The following GCA variants were observed in gnomAD, a reference collection of about 807,000 sequenced individuals.
The protein encoded by GCA is grancalcin.
Under a neutral mutation model 32.6 loss-of-function variants are expected in GCA, and 30 were observed. That is an observed-to-expected ratio of 0.92 (90% CI 0.69 to 1.25). The LOEUF is 1.25. GCA is among the 50% of genes most tolerant of loss of function. GCA has a pLI of 0.00. For synonymous variants in GCA, 102 were observed against 84.6 expected, an observed-to-expected ratio of 1.21 and a Z score of -1.13; for missense variants, 291 against 266.8, an observed-to-expected ratio of 1.09 and a Z score of -0.63.
At chr2:162,330,032 C>T (rs1576260754) in intron 1 of GCA, among the ~76,000 whole-genome samples, 2 of 152,130 alleles carry the variant, frequency 1.3e-5, no homozygotes. Flanking sequence ...GCATGGTTTT[C>T]AATGGTATAT....
At chr2:162,338,951 T>C (rs1398878150) in intron 1 of GCA, among the ~76,000 whole-genome samples, 1 of 152,220 alleles carries the variant, frequency 6.6e-6, no homozygotes, top group Non-Finnish European at 1.5e-5. Context: ...AACAATTTTA[T>C]GCTAAAATGC....
At chr2:162,334,857 T>C (rs74404078) in intron 1 of GCA, among the ~76,000 whole-genome samples, 116 of 152,306 alleles carry the variant, frequency 7.6e-4, no homozygotes, top group Non-Finnish European at 1.4e-3. Flanking sequence ...GATCTAGACC[T>C]ATGCTTTTCC....
chr2:162,352,032 C>G (rs1685026006), intron 2 of GCA, among the ~76,000 whole-genome samples: 1 of 152,114 alleles, frequency 6.6e-6, no homozygotes, highest in South Asian at 2.1e-4. Flanking sequence ...AGGCATTTTT[C>G]TAACTGTTTA....
chr2:162,342,607 T>C (rs571652892), upstream of GCA, among the ~76,000 whole-genome samples: 9 of 152,190 alleles, frequency 5.9e-5, no homozygotes, highest in Non-Finnish European at 1.2e-4. Context: ...GGAAATACTA[T>C]CTTTGCAATT....
At position 162,361,691 on chromosome 2, in the gene GCA, T is replaced by C. The variant is rs1685578839; in HGVS notation, c.*1448T>C. The stretch of plus-strand genomic sequence containing the variant: ...TCACTTGGTCAGTTTTATAAAAATG[T>C]GTGAATAGGTAATACACATAATTTT... On this transcript the variant is annotated 3_prime_UTR_variant, in exon 8 of 8. Coordinates refer to ENST00000437150, the MANE Select transcript of GCA (RefSeq NM_012198.5). 2.0e-6 allele frequency: 2 copies of C among 983,574 alleles called. No individual in the cohort carries two copies. Among genetic ancestry groups the C allele is most frequent in the Non-Finnish European group, 2.4e-6 (2 of 828,388 alleles). 60.9% of individuals were successfully genotyped at this position (983,574 alleles called of 1,614,324 possible).
chr2:162,360,779 A>G lies in GCA; in HGVS notation c.*536A>G. On this transcript the variant is annotated 3_prime_UTR_variant, in exon 8 of 8. Coordinates refer to ENST00000437150, the MANE Select transcript of GCA (RefSeq NM_012198.5). ...AACTTAAAGATCTTTGTCTGTGAAG[A>G]AGAAAATTATCTCCCTAGTTCAATC... The G allele has an allele frequency of 7.3e-7, 1 of 1,367,822 alleles. No individual in the cohort carries two copies. The highest frequency in any genetic ancestry group is 1.8e-5 in the South Asian group (1 of 56,212). The allele number at this position is 1,367,822 out of a possible 1,614,324, so 84.7% of individuals were successfully genotyped here.
At chr2:162,335,690 A>C (rs1429728768) in intron 1 of GCA, among the ~76,000 whole-genome samples, 2 of 152,234 alleles carry the variant, frequency 1.3e-5, no homozygotes, top group Non-Finnish European at 2.9e-5. Context: ...CTGTCATAAT[A>C]TTAAGAGGAC....
Position 162,344,176 on chromosome 2 carries a change from G to C in GCA, c.-73G>C. On this transcript the variant is annotated 5_prime_UTR_variant, in exon 1 of 8. Transcript: ENST00000437150. Reference sequence around the variant, plus strand: ...CCTGCAGCTGCGCCTCCTTGCACCTGCGCCTGTGCTTTTTCTCCCAGCACT... The same window carrying C: ...CCTGCAGCTGCGCCTCCTTGCACCTCCGCCTGTGCTTTTTCTCCCAGCACT... The C allele has an allele frequency of 6.4e-7, 1 of 1,557,640 alleles. No individual in the cohort carries two copies. The highest frequency in any genetic ancestry group is 1.1e-5 in the South Asian group (1 of 89,602).
intron 4 of GCA, among the ~76,000 whole-genome samples, chr2:162,369,527 C>T (rs1019090074): frequency 5.9e-5 from 9 of 152,072 alleles, no homozygotes; most frequent in African/African-American, 2.2e-4. Flanking sequence ...TTTCTTCATG[C>T]TCAGGTTTCA....
downstream of GCA, among the ~76,000 whole-genome samples, chr2:162,364,460 G>A (rs1685689097): frequency 6.6e-6 from 1 of 151,440 alleles, no homozygotes; most frequent in Non-Finnish European, 1.5e-5. Context: ...TCTAAAATAT[G>A]TAGTTTCTTC....
chr2:162,329,818 A>G (rs1345847462), intron 1 of GCA, among the ~76,000 whole-genome samples: 4 of 152,040 alleles, frequency 2.6e-5, no homozygotes, highest in Non-Finnish European at 5.9e-5. Flanking sequence ...ATTTTTCATG[A>G]TCTTTTCCCT....
chr2:162,356,317 T>G (rs1685265500), intron 3 of GCA, 121 bp from the exon 4 acceptor site: 1 of 674,192 alleles, frequency 1.5e-6, no homozygotes, highest in East Asian at 2.5e-5. Context: ...GCTTGTTGAT[T>G]GTGGTGATTT....
At position 162,344,240 on chromosome 2, in the gene GCA, C is replaced by T. The variant is rs777730174; in HGVS notation, c.-9C>T. On this transcript the variant is annotated 5_prime_UTR_variant, in exon 1 of 8. Coordinates refer to ENST00000437150, the MANE Select transcript of GCA (RefSeq NM_012198.5). ...GAGGGTGACGCTCGCTCCGCTCGTCCCGCTCGTCATGGCCTACCCGGGATA... is the reference window on the plus strand; with the variant it reads ...GAGGGTGACGCTCGCTCCGCTCGTCTCGCTCGTCATGGCCTACCCGGGATA... 1 of 1,613,750 alleles carries T rather than the reference C, an allele frequency of 6.2e-7. No individual in the cohort carries two copies. Among genetic ancestry groups the T allele is most frequent in the Admixed American group, 1.7e-5 (1 of 60,026 alleles).
intron 3 of GCA, among the ~76,000 whole-genome samples, chr2:162,354,468 A>G (rs1160478287): frequency 6.6e-6 from 1 of 152,222 alleles, no homozygotes; most frequent in Non-Finnish European, 1.5e-5. Flanking sequence ...AGACTCCTCC[A>G]GAGAATAAAA....
intron 1 of GCA, among the ~76,000 whole-genome samples, chr2:162,337,463 A>G (rs1231819056): frequency 6.6e-6 from 1 of 152,192 alleles, no homozygotes; most frequent in African/African-American, 2.4e-5. Flanking sequence ...TTTTGTAAAT[A>G]GTGACTTTAT....
chr2:162,339,368 T>TTAATTGC (rs1400366113), upstream of GCA, among the ~76,000 whole-genome samples: 69 of 152,308 alleles, frequency 4.5e-4, no homozygotes, highest in South Asian at 1.2e-3. Flanking sequence ...TAAGGAAATC[T>TTAATTGC]ATGTTAAGGA....
At chr2:162,319,528 G>T (rs938472553) in intron 1 of GCA, 12 of 202,628 alleles carry the variant, frequency 5.9e-5, no homozygotes, top group Non-Finnish European at 1.0e-5. Flanking sequence ...GGCTGGAGCA[G>T]CTAGGAACTT....
In GCA at chr2:162,361,845, C is replaced by T. The variant is rs569066055; in HGVS notation, c.*1602C>T. On this transcript the variant is annotated 3_prime_UTR_variant, in exon 8 of 8. Coordinates refer to ENST00000437150, the MANE Select transcript of GCA (RefSeq NM_012198.5). ...AAGCAAATGTGAAAACACTAAGTGTCGTTCACATCGAATGGTGATAATGTC... is the reference window on the plus strand; with the variant it reads ...AAGCAAATGTGAAAACACTAAGTGTTGTTCACATCGAATGGTGATAATGTC... 5 of 981,604 alleles carry T rather than the reference C, an allele frequency of 5.1e-6. No individual in the cohort carries two copies. The highest frequency in any genetic ancestry group is 9.4e-5 in the South Asian group (2 of 21,214). 60.8% of individuals were successfully genotyped at this position (981,604 alleles called of 1,614,324 possible). A position where few individuals can be genotyped will look rare whatever the true frequency, so the allele number is the denominator to read the frequency against.
At chr2:162,364,194 A>T (rs989247522), downstream of GCA, among the ~76,000 whole-genome samples, 4 of 151,528 alleles carry the variant, frequency 2.6e-5, no homozygotes, top group Non-Finnish European at 5.9e-5. Flanking sequence ...AGATATTTGC[A>T]TTCTAGTTGA....
Sources: allele counts gnomAD v4.1 joint callset (sites outside exome capture counted in the v4.1 genomes callset), GRCh38; gene constraint gnomAD v4.1.1; transcripts MANE v1.5; gene names NCBI Gene and HGNC (gene_info 2026-07-23, HGNC 2026-07-21).